CUX1: variants seen among roughly 807,000 people sequenced by gnomAD.
The protein encoded by CUX1 is protein CASP.
A neutral mutation model predicts 158.8 loss-of-function variants in CUX1; 31 were observed. The ratio of observed to expected loss-of-function variants is 0.20; its 90% CI spans 0.15 to 0.26. The LOEUF is 0.26. CUX1 is among the 10% of genes least tolerant of loss of function. The pLI is 1.00. For synonymous variants in CUX1, 879 were observed against 862.1 expected, an observed-to-expected ratio of 1.02 and a Z score of -0.34; for missense variants, 1,589 against 2,014.6, an observed-to-expected ratio of 0.79 and a Z score of 4.04.
chr7:101,957,417 TAGAG>T (rs781607233), intron 2 of CUX1, among the ~76,000 whole-genome samples: 19 of 152,194 alleles, frequency 1.2e-4, no homozygotes, highest in Non-Finnish European at 2.5e-4. Context: ...ATTTTCTCCA[TAGAG>T]AATGTTACTT....
At chr7:102,083,999 T>C (rs1464186067) in intron 4 of CUX1, among the ~76,000 whole-genome samples, 2 of 145,326 alleles carry the variant, frequency 1.4e-5, no homozygotes, top group Non-Finnish European at 3.1e-5. Context: ...AATTCTCCTG[T>C]CTCAGCCTCC....
Position 102,249,497 on chromosome 7 carries a change from C to G in CUX1, c.*455C>G, listed in dbSNP as rs1801251267. 1 of 985,460 alleles carries G rather than the reference C, an allele frequency of 1.0e-6. No homozygotes were observed. The highest frequency in any genetic ancestry group is 6.2e-5 in the Admixed American group (1 of 16,250). The allele number at this position is 985,460 out of a possible 1,614,324, so 61.0% of individuals were successfully genotyped here. A position where few individuals can be genotyped will look rare whatever the true frequency, so the allele number is the denominator to read the frequency against. On this transcript the variant is annotated 3_prime_UTR_variant, in exon 24 of 24. Transcript: ENST00000292535. ...TACCCTGAAGTGTTTTTTTTATTGC[C>G]CTAAGTGATTTCCACAGGTTCTGGA...
At chr7:102,202,241 CT>C in intron 18 of CUX1, 37 bp downstream of exon 18, 1 of 1,552,904 alleles carries the variant, frequency 6.4e-7, no homozygotes, top group Non-Finnish European at 8.7e-7. Context: ...GTTCTCCCAT[CT>C]CTTCTCCTTG....
Position 102,281,689 on chromosome 7 carries a change from T to C in CUX1, c.1822-151T>C, listed in dbSNP as rs555041755. On this transcript the variant is annotated intron_variant, in intron 20 of 22. Coordinates refer to the CUX1 transcript ENST00000292538. ...AAAAAAAAAGAATTCCAGCAGCCCA[T>C]GTCCCTGGCCCATAATGATGGAATA... is the stretch of plus-strand genomic sequence containing the variant. 3.5e-4 allele frequency: 220 copies of C among 621,086 alleles called. No homozygotes were observed. In the African/African-American group the frequency reaches 3.6e-3, roughly 10 times the overall value. 38.5% of individuals were successfully genotyped at this position (621,086 alleles called of 1,614,324 possible). A position where few individuals can be genotyped will look rare whatever the true frequency, so the allele number is the denominator to read the frequency against.
At chr7:101,816,405 G>GCGCCGC (rs970722250), upstream of CUX1, among the ~76,000 whole-genome samples, 4 of 141,992 alleles carry the variant, frequency 2.8e-5, no homozygotes, top group African/African-American at 5.0e-5. Context: ...CCCGGGCCCC[G>GCGCCGC]CGCCGCCGCC....
At chr7:102,108,518 A>T (rs752143472) in intron 6 of CUX1, among the ~76,000 whole-genome samples, 1 of 151,704 alleles carries the variant, frequency 6.6e-6, no homozygotes, top group Admixed American at 6.6e-5. Context: ...CTAATTTTTC[A>T]GTAGAGATAG....
intron 1 of CUX1, among the ~76,000 whole-genome samples, chr7:101,819,628 T>C (rs961880311): frequency 6.6e-6 from 1 of 152,230 alleles, no homozygotes; most frequent in African/African-American, 2.4e-5. Context: ...GTACCCTTTA[T>C]AAAAGAGCAG....
chr7:102,021,470 C>A (rs1420499081), intron 2 of CUX1, among the ~76,000 whole-genome samples: 1 of 152,102 alleles, frequency 6.6e-6, no homozygotes, highest in East Asian at 1.9e-4. Context: ...ACCATACTCA[C>A]TAATTTTTGT....
At chr7:102,035,888 T>C (rs530468971) in intron 3 of CUX1, among the ~76,000 whole-genome samples, 1 of 152,254 alleles carries the variant, frequency 6.6e-6, no homozygotes, top group South Asian at 2.1e-4. Flanking sequence ...TTTTTTTGTT[T>C]TGAGACAGAG....
chr7:101,902,346 A>G (rs1802245595), intron 1 of CUX1, among the ~76,000 whole-genome samples: 1 of 152,166 alleles, frequency 6.6e-6, no homozygotes, highest in Non-Finnish European at 1.5e-5. Flanking sequence ...CCTGGGGGTC[A>G]TTGGAGGCCA....
intron 2 of CUX1, among the ~76,000 whole-genome samples, chr7:101,929,772 C>T (rs910085656): frequency 6.6e-6 from 1 of 152,178 alleles, no homozygotes; most frequent in Admixed American, 6.5e-5. Flanking sequence ...TTTTCCCGGG[C>T]AGACAGACTC....
intron 1 of CUX1, among the ~76,000 whole-genome samples, chr7:101,851,139 A>C (rs886887169): frequency 1.3e-5 from 2 of 152,126 alleles, no homozygotes; most frequent in Non-Finnish European, 2.9e-5. Flanking sequence ...ACATTTTTAA[A>C]AGCATAGTCA....
chr7:102,282,103 C>T (rs1792119232), intron 21 of CUX1, among the ~76,000 whole-genome samples: 1 of 152,172 alleles, frequency 6.6e-6, no homozygotes, highest in South Asian at 2.1e-4. Flanking sequence ...AGGACCCACC[C>T]CATTGGGACC....
chr7:102,102,675 T>G (rs1365687895), intron 5 of CUX1, among the ~76,000 whole-genome samples: 5 of 152,122 alleles, frequency 3.3e-5, no homozygotes, highest in Non-Finnish European at 5.9e-5. Flanking sequence ...GCCACAGTGC[T>G]TTCCTGAGCA....
chr7:102,136,207 C>A (rs1554498712), intron 8 of CUX1, among the ~76,000 whole-genome samples: 1 of 151,992 alleles, frequency 6.6e-6, no homozygotes, highest in African/African-American at 2.4e-5. Flanking sequence ...TCTATAATTT[C>A]ATTCTATCAG....
chr7:101,816,717 C>A (rs1198969489), upstream of CUX1, among the ~76,000 whole-genome samples: 1 of 144,998 alleles, frequency 6.9e-6, no homozygotes, highest in African/African-American at 2.5e-5. Flanking sequence ...GCTGGTGGCG[C>A]TGTGGTGCCG....
At chr7:101,820,120 G>A (rs1415293254) in intron 1 of CUX1, among the ~76,000 whole-genome samples, 1 of 152,234 alleles carries the variant, frequency 6.6e-6, no homozygotes, top group African/African-American at 2.4e-5. Context: ...GGGTCTACCT[G>A]TAGCAGTAAA....
At chr7:102,167,965 C>A (rs1554509287) in intron 9 of CUX1, among the ~76,000 whole-genome samples, 1 of 151,990 alleles carries the variant, frequency 6.6e-6, no homozygotes, top group African/African-American at 2.4e-5. Flanking sequence ...GTAATCCTAG[C>A]TACTCGGGAG....
intron 2 of CUX1, among the ~76,000 whole-genome samples, chr7:101,919,134 G>A (rs1804580397): frequency 6.6e-6 from 1 of 152,200 alleles, no homozygotes; most frequent in Non-Finnish European, 1.5e-5. Flanking sequence ...GGAGTCGGGG[G>A]CTGTGGCCGG....
Sources: gnomAD v4.1 joint callset for allele counts (sites outside exome capture counted in the v4.1 genomes callset) on GRCh38, gnomAD v4.1.1 for gene constraint, MANE v1.5 for transcripts, NCBI Gene and HGNC (gene_info 2026-07-23, HGNC 2026-07-21) for gene names.